The following FBXL20 variants were observed in gnomAD, a reference collection of about 807,000 sequenced individuals.
The protein encoded by FBXL20 is F-box and leucine rich repeat protein 20, also known as F-box/LRR-repeat protein 20.
Under a neutral mutation model 64.0 loss-of-function variants are expected in FBXL20, and 11 were observed. The ratio of observed to expected loss-of-function variants is 0.17; its 90% CI spans 0.11 to 0.28. The LOEUF is 0.28. FBXL20 is among the 10% of genes least tolerant of loss of function. The pLI is 1.00. For synonymous variants in FBXL20, 184 were observed against 189.0 expected, an observed-to-expected ratio of 0.97 and a Z score of 0.22; for missense variants, 303 against 526.2, an observed-to-expected ratio of 0.58 and a Z score of 4.15.
At position 39,347,052 on chromosome 17, in the gene FBXL20, G is replaced by A. The variant is rs910201831; in HGVS notation, c.43-3811C>T. On this transcript the variant is annotated intron_variant, in intron 1 of 14. Coordinates refer to ENST00000264658, the MANE Select transcript of FBXL20 (RefSeq NM_032875.3). ...TTTTTATGGCTGCATAGTATTCCAT[G>A]GTGTGTATGTGCCACATTTTCTTAA... 1.3e-5 allele frequency among the ~76,000 whole-genome samples: 2 copies of A among 152,264 alleles called. 1 individual carries two copies. The highest frequency in any genetic ancestry group is 6.8e-3 in the Middle Eastern group (2 of 294).
chr17:39,361,641 C>CA (rs530079132), intron 1 of FBXL20, among the ~76,000 whole-genome samples: 137 of 151,680 alleles, frequency 9.0e-4, no homozygotes, highest in African/African-American at 3.1e-3. Context: ...ACTAAAAATA[C>CA]AAAAAATTAG....
intron 1 of FBXL20, among the ~76,000 whole-genome samples, chr17:39,374,679 T>C (rs2047950047): frequency 6.6e-6 from 1 of 152,250 alleles, no homozygotes. Context: ...ATACATCTTC[T>C]AAACCTAAAA....
At chr17:39,337,475 C>T (rs561314618) in intron 2 of FBXL20, among the ~76,000 whole-genome samples, 6 of 152,132 alleles carry the variant, frequency 3.9e-5, no homozygotes, top group African/African-American at 1.2e-4. Flanking sequence ...AGCCCCTCTG[C>T]CTGGCTGCCC....
At chr17:39,334,621 GAA>G (rs1221963266) in intron 2 of FBXL20, among the ~76,000 whole-genome samples, 1 of 151,900 alleles carries the variant, frequency 6.6e-6, no homozygotes, top group Non-Finnish European at 1.5e-5. Context: ...GAAAAAATGA[GAA>G]AAAAATTTCA....
intron 2 of FBXL20, among the ~76,000 whole-genome samples, chr17:39,332,628 G>A (rs1597802517): frequency 7.2e-6 from 1 of 139,680 alleles, no homozygotes; most frequent in South Asian, 2.4e-4. Flanking sequence ...TGCAAGCTCC[G>A]CCTCCTGGGT....
intron 1 of FBXL20, among the ~76,000 whole-genome samples, chr17:39,388,196 C>T (rs542107935): frequency 1.1e-4 from 17 of 152,178 alleles, no homozygotes; most frequent in East Asian, 1.9e-4. Flanking sequence ...GTGGCTCACA[C>T]GTGTAATCCC....
chr17:39,321,780 CAA>C (rs540775014), intron 2 of FBXL20, among the ~76,000 whole-genome samples: 8 of 83,522 alleles, frequency 9.6e-5, no homozygotes, highest in Non-Finnish European at 8.3e-5. Flanking sequence ...AATTCTGTCT[CAA>C]AAAAAAAAAA....
At chr17:39,399,936 C>T (rs1039205049) in intron 1 of FBXL20, among the ~76,000 whole-genome samples, 1 of 152,204 alleles carries the variant, frequency 6.6e-6, no homozygotes, top group African/African-American at 2.4e-5. Flanking sequence ...GTATCTGGAA[C>T]TGCCTTTCAA....
intron 7 of FBXL20, among the ~76,000 whole-genome samples, chr17:39,285,069 C>G (rs1567863641): frequency 6.6e-6 from 1 of 152,036 alleles, no homozygotes; most frequent in Admixed American, 6.6e-5. Context: ...CCATGCCCAA[C>G]TAATTTTTAT....
chr17:39,350,518 C>CAAAAAAAAAAAAAAAAAAAAAAGAA, intron 1 of FBXL20, among the ~76,000 whole-genome samples: 1 of 101,774 alleles, frequency 9.8e-6, no homozygotes, highest in Non-Finnish European at 2.1e-5. Context: ...AAAAAAGAAG[C>CAAAAAAAAAAAAAAAAAAAAAAGAA]AAAAAAAAAA....
chr17:39,301,733 G>GA (rs1295410543), intron 3 of FBXL20, among the ~76,000 whole-genome samples: 1 of 145,820 alleles, frequency 6.9e-6, no homozygotes, highest in Non-Finnish European at 1.5e-5. Flanking sequence ...ATCTGGGGGG[G>GA]AAAAATTAAA....
Position 39,297,132 on chromosome 17 carries a change from T to C in FBXL20, c.393A>G (p.Thr131=). 1.2e-6 allele frequency: 2 copies of C among 1,606,498 alleles called. No individual in the cohort carries two copies. The highest frequency in any genetic ancestry group is 2.2e-5 in the South Asian group (2 of 90,010). The change falls in exon 6 of 15, where the codon ACA becomes ACG. Residue 131 remains threonine, a synonymous_variant. Transcript: ENST00000264658. The stretch of plus-strand genomic sequence containing the variant: ...CAAAAACATAAAATACTTACGCGTC[T>C]GTTGTCTTTGTACACCCATTTAGAT... ...VLNLNGCTKT[T]DATCTSLSKF... is the part of the protein sequence containing the mutation.
At chr17:39,291,195 T>C (rs683948) in intron 6 of FBXL20, among the ~76,000 whole-genome samples, 49,766 of 151,588 alleles carry the variant, frequency 0.33, 9,327 homozygotes, top group African/African-American at 0.51. Flanking sequence ...TCTCCTGACC[T>C]CGTGATCACC....
chr17:39,304,575 C>G (rs1265070689), intron 2 of FBXL20, among the ~76,000 whole-genome samples: 8 of 152,106 alleles, frequency 5.3e-5, no homozygotes. Flanking sequence ...CATGTATGAG[C>G]CAACATGCTT....
chr17:39,360,661 ATGTC>A (rs1212400763), intron 1 of FBXL20, among the ~76,000 whole-genome samples: 1 of 152,208 alleles, frequency 6.6e-6, no homozygotes, highest in East Asian at 1.9e-4. Flanking sequence ...AGATTCAGAA[ATGTC>A]TGTCAGAATC....
chr17:39,394,030 G>C (rs74706108), intron 1 of FBXL20, among the ~76,000 whole-genome samples: 2,182 of 152,212 alleles, frequency 0.014, 56 homozygotes, highest in African/African-American at 0.049. Context: ...GGATGCCTTG[G>C]CTCTTCTGAG....
chr17:39,261,280 G>A lies in FBXL20; in HGVS notation c.*180C>T, dbSNP rs1247384263. ...TCAGTCCCATGGTCACAAAGCTAGA[G>A]TGGATGGGGGTAAGGGTGTGTATGT... On this transcript the variant is annotated 3_prime_UTR_variant, in exon 15 of 15. Coordinates refer to ENST00000264658, the MANE Select transcript of FBXL20 (RefSeq NM_032875.3). 3.6e-6 allele frequency: 2 copies of A among 552,278 alleles called. No homozygotes were observed. Among genetic ancestry groups the A allele is most frequent in the African/African-American group, 1.9e-5 (1 of 51,812 alleles). 34.2% of individuals were successfully genotyped at this position (552,278 alleles called of 1,614,324 possible).
intron 6 of FBXL20, among the ~76,000 whole-genome samples, chr17:39,287,968 CTTTTTTT>C (rs34161800): frequency 2.4e-5 from 3 of 123,854 alleles, no homozygotes; most frequent in African/African-American, 6.4e-5. Flanking sequence ...GTAATGAAAA[CTTTTTTT>C]TTTTTTTTTT....
chr17:39,391,829 G>A (rs750619232), intron 1 of FBXL20, among the ~76,000 whole-genome samples: 18 of 149,494 alleles, frequency 1.2e-4, no homozygotes, highest in East Asian at 2.0e-4. Flanking sequence ...TTTCTTTTCC[G>A]CAACTACCTC....
Sources: gnomAD v4.1 joint callset for allele counts (sites outside exome capture counted in the v4.1 genomes callset) on GRCh38, gnomAD v4.1.1 for gene constraint, MANE v1.5 for transcripts, NCBI Gene and HGNC (gene_info 2026-07-23, HGNC 2026-07-21) for gene names.